The following PPA2 variants were observed in gnomAD, a reference collection of about 807,000 sequenced individuals.
The protein encoded by PPA2 is inorganic pyrophosphatase 2, also known as inorganic pyrophosphatase 2, mitochondrial.
A neutral mutation model predicts 49.5 loss-of-function variants in PPA2; 48 were observed. That is an observed-to-expected ratio of 0.97 (90% confidence interval 0.77 to 1.23). The LOEUF (loss-of-function observed/expected upper bound fraction) is 1.23, where lower values mean the gene tolerates loss of function less well. PPA2 is among the 50% of genes most tolerant of loss of function. The pLI, the probability that PPA2 is intolerant of heterozygous loss-of-function variation, is 0.00. For synonymous variants in PPA2, 131 were observed against 139.9 expected (o/e 0.94, Z 0.45); for missense variants, 429 against 410.1 (o/e 1.05, Z -0.40).
chr4:105,407,867 G>C lies in PPA2; in HGVS notation c.656-8703C>G, dbSNP rs79707291. On this transcript the variant is annotated intron_variant, in intron 7 of 11. Coordinates refer to ENST00000341695, the MANE Select transcript of PPA2 (RefSeq NM_176869.3). ...GGAGGAAGGGATTGACTGCACAGGG[G>C]TATGTGGGAATTTGGGGGTGATGGA... Among the ~76,000 whole-genome samples, 687 of 152,282 alleles carry C rather than the reference G, an allele frequency of 4.5e-3. 4 individuals carry two copies. Among genetic ancestry groups the C allele is most frequent in the Non-Finnish European group, 7.0e-3 (474 of 68,018 alleles).
intron 10 of PPA2, among the ~76,000 whole-genome samples, chr4:105,373,525 G>C (rs1289195829): frequency 1.3e-5 from 2 of 151,964 alleles, no homozygotes; most frequent in African/African-American, 4.8e-5. Context: ...CTTCTTGTTG[G>C]AGTGCCAAAC....
chr4:105,405,398 G>A (rs976843786), intron 7 of PPA2: 16 of 786,302 alleles, frequency 2.0e-5, no homozygotes, highest in East Asian at 1.3e-4. Flanking sequence ...CAACAGACAC[G>A]TTTACTTTTA....
intron 3 of PPA2, among the ~76,000 whole-genome samples, chr4:105,451,820 A>G (rs1722690206): frequency 6.6e-6 from 1 of 152,230 alleles, no homozygotes; most frequent in South Asian, 2.1e-4. Flanking sequence ...AATCACTAAG[A>G]GCTTATTTCC....
At chr4:105,382,860 G>T (rs559501494) in intron 10 of PPA2, among the ~76,000 whole-genome samples, 1 of 152,016 alleles carries the variant, frequency 6.6e-6, no homozygotes, top group Non-Finnish European at 1.5e-5. Context: ...ACTTCGCCAG[G>T]TGTGGTGGCA....
In PPA2 at chr4:105,373,766, TACAC is replaced by T. The variant is rs36109695; in HGVS notation, c.940-2897_940-2894del. On this transcript the variant is annotated intron_variant, in intron 10 of 11. Coordinates refer to ENST00000341695, the MANE Select transcript of PPA2 (RefSeq NM_176869.3). The stretch of plus-strand genomic sequence containing the variant: ...CAAAGCCATATGATATATATTTAAA[TACAC>T]ACACACACACACACACACACACACA... Among the ~76,000 whole-genome samples the T allele has an allele frequency of 1.5e-3, 219 of 148,294 alleles. 1 individual carries two copies. Among genetic ancestry groups the T allele is most frequent in the African/African-American group, 3.8e-3 (153 of 40,092 alleles).
rs117856503 is a variant in PPA2 at position 105,457,783 on chromosome 4, C to T, written c.158-1038G>A. Reference sequence around the variant, plus strand: ...CTTGCTATGTTGCCCAGGCTTGTCTCGAACTCCTGAGCTCAAACAATCCAC... The same window carrying T: ...CTTGCTATGTTGCCCAGGCTTGTCTTGAACTCCTGAGCTCAAACAATCCAC... On this transcript the variant is annotated intron_variant, in intron 1 of 11. Transcript: ENST00000341695. Among the ~76,000 whole-genome samples the T allele has an allele frequency of 1.8e-3, 270 of 152,218 alleles. 2 individuals carry two copies. In the East Asian group the frequency reaches 0.034, roughly 19 times the overall value.
At chr4:105,397,155 T>A (rs1734183576) in intron 8 of PPA2, among the ~76,000 whole-genome samples, 1 of 152,196 alleles carries the variant, frequency 6.6e-6, no homozygotes, top group Non-Finnish European at 1.5e-5. Flanking sequence ...ACTGGTTAGT[T>A]CAAAGTAGCT....
chr4:105,438,152 C>T (rs1560631257), intron 5 of PPA2, 116 bp from the exon 6 acceptor site: 5 of 741,012 alleles, frequency 6.7e-6, no homozygotes, highest in Non-Finnish European at 6.3e-6. Flanking sequence ...AAAACATTAT[C>T]AGAAATTACA....
chr4:105,462,746 G>T lies in PPA2; in HGVS notation c.158-6001C>A, dbSNP rs79099432. On this transcript the variant is annotated intron_variant, in intron 1 of 11. Transcript: ENST00000341695. ...GGGTGGGACTCAGTGGGAGGTAACT[G>T]AATCATAGGGGTAAGTCTTTCCTGT... is the stretch of plus-strand genomic sequence containing the variant. 5.1e-3 allele frequency among the ~76,000 whole-genome samples: 778 copies of T among 152,284 alleles called. 11 individuals are homozygous for T. The highest frequency in any genetic ancestry group is 0.018 in the African/African-American group (732 of 41,552).
intron 2 of PPA2, chr4:105,453,877 T>C: frequency 5.5e-6 from 2 of 364,012 alleles, no homozygotes; most frequent in Non-Finnish European, 9.9e-6. Context: ...CAAACCTCTT[T>C]CACGTATATT....
chr4:105,473,792 G>C, intron 1 of PPA2, 102 bp downstream of exon 1: 1 of 1,498,370 alleles, frequency 6.7e-7, no homozygotes, highest in East Asian at 2.3e-5. Flanking sequence ...GCCCCAAAAA[G>C]AGAGAAGGGA....
intron 10 of PPA2, among the ~76,000 whole-genome samples, chr4:105,376,990 T>TTAA (rs1560602873): frequency 6.6e-6 from 1 of 152,174 alleles, no homozygotes; most frequent in East Asian, 1.9e-4. Context: ...AGGAAAGTGC[T>TTAA]TAAACAAAGC....
intron 5 of PPA2, among the ~76,000 whole-genome samples, chr4:105,438,828 G>A (rs2713864): frequency 0.34 from 51,529 of 151,940 alleles, 10,521 homozygotes; most frequent in East Asian, 0.67. Context: ...TACAGAGACC[G>A]TCATCCCAAG....
chr4:105,427,984 G>T (rs1236144217), intron 6 of PPA2, among the ~76,000 whole-genome samples: 1 of 152,214 alleles, frequency 6.6e-6, no homozygotes, highest in Non-Finnish European at 1.5e-5. Flanking sequence ...AAGCCCATCA[G>T]ACTAACAGCA....
intron 6 of PPA2, among the ~76,000 whole-genome samples, 164 bp downstream of exon 6, chr4:105,437,786 C>A (rs542339694): frequency 6.6e-6 from 1 of 152,204 alleles, no homozygotes; most frequent in African/African-American, 2.4e-5. Context: ...AATTTACCAA[C>A]CCCTGGTTTA....
chr4:105,377,828 T>A (rs1733320514), intron 10 of PPA2, among the ~76,000 whole-genome samples: 1 of 151,488 alleles, frequency 6.6e-6, no homozygotes. Flanking sequence ...TCACTCAATA[T>A]TTTTTTTTAA....
intron 8 of PPA2, among the ~76,000 whole-genome samples, chr4:105,397,339 G>A (rs559655853): frequency 3.9e-5 from 6 of 152,208 alleles, no homozygotes; most frequent in South Asian, 4.1e-4. Context: ...AGTGTTGGGC[G>A]GGAATCTCAC....
intron 9 of PPA2, among the ~76,000 whole-genome samples, chr4:105,388,190 GAC>G (rs1345390228): frequency 6.6e-6 from 1 of 151,986 alleles, no homozygotes; most frequent in Non-Finnish European, 1.5e-5. Flanking sequence ...TATTGAAAGA[GAC>G]ACACACACTT....
At chr4:105,403,793 C>CT (rs920992166) in intron 7 of PPA2, among the ~76,000 whole-genome samples, 2 of 151,882 alleles carry the variant, frequency 1.3e-5, no homozygotes, top group African/African-American at 2.4e-5. Flanking sequence ...ACGTTTATGA[C>CT]TTTTTTTTCC....
Sources: allele counts gnomAD v4.1 joint callset (sites outside exome capture counted in the v4.1 genomes callset), GRCh38; gene constraint gnomAD v4.1.1; transcripts MANE v1.5; gene names NCBI Gene and HGNC (gene_info 2026-07-23, HGNC 2026-07-21).